Variants in HECW1 observed in about 807,000 individuals in gnomAD.
HECW1 encodes HECT, C2 and WW domain containing E3 ubiquitin protein ligase 1, also known as E3 ubiquitin-protein ligase HECW1.
A neutral mutation model predicts 182.3 loss-of-function variants in HECW1; 61 were observed. The ratio of observed to expected loss-of-function variants is 0.33; its 90% CI spans 0.27 to 0.41. The LOEUF (loss-of-function observed/expected upper bound fraction) is 0.41, where lower values mean the gene tolerates loss of function less well. Ranked by LOEUF, HECW1 falls within the 10% of genes least tolerant of loss-of-function variation. The pLI is 1.00. For synonymous variants in HECW1, 859 were observed against 832.6 expected (o/e 1.03, Z -0.55); for missense variants, 1,739 against 2,108.9 (o/e 0.82, Z 3.44).
intron 24 of HECW1, among the ~76,000 whole-genome samples, chr7:43,536,406 T>C (rs4724215): frequency 0.055 from 8,322 of 152,230 alleles, 570 homozygotes; most frequent in African/African-American, 0.15. Context: ...CTGACCCATC[T>C]GGGTGTGGCT....
At chr7:43,439,300 A>G (rs2076804999) in intron 9 of HECW1, 1 of 152,184 alleles carries the variant, frequency 6.6e-6, no homozygotes, top group Admixed American at 6.5e-5. Flanking sequence ...CAAGGCTTCA[A>G]AAGGATCAAT....
intron 6 of HECW1, among the ~76,000 whole-genome samples, chr7:43,384,502 A>G (rs974296719): frequency 5.3e-5 from 8 of 152,212 alleles, no homozygotes; most frequent in Non-Finnish European, 7.3e-5. Context: ...TGGCATGTCC[A>G]TAGGAAAAAA....
intron 27 of HECW1, among the ~76,000 whole-genome samples, chr7:43,551,666 C>T (rs73100771): frequency 0.16 from 24,308 of 152,094 alleles, 2,542 homozygotes; most frequent in Non-Finnish European, 0.24. Context: ...GTGGAGCATG[C>T]GATTCTTTTT....
intron 3 of HECW1, among the ~76,000 whole-genome samples, chr7:43,290,034 G>A (rs563466995): frequency 4.6e-5 from 7 of 152,300 alleles, no homozygotes; most frequent in South Asian, 2.1e-4. Context: ...AAGCCTTATC[G>A]GTAGAAGGCT....
intron 3 of HECW1, among the ~76,000 whole-genome samples, chr7:43,281,785 T>A (rs1803956584): frequency 6.8e-6 from 1 of 147,770 alleles, no homozygotes; most frequent in African/African-American, 2.5e-5. Context: ...TCTCTTGTAT[T>A]CCTGGCCTCA....
intron 16 of HECW1, among the ~76,000 whole-genome samples, chr7:43,476,477 A>G (rs1257177956): frequency 2.0e-5 from 3 of 152,308 alleles, no homozygotes; most frequent in East Asian, 1.9e-4. Context: ...CAAAATCCCA[A>G]TAGAACTATT....
chr7:43,418,626 A>T (rs1195500409), intron 8 of HECW1, among the ~76,000 whole-genome samples: 1 of 151,940 alleles, frequency 6.6e-6, no homozygotes, highest in African/African-American at 2.4e-5. Context: ...ATATTTTCAG[A>T]TATCAGAATT....
At chr7:43,548,848 G>A (rs1294356477) in intron 26 of HECW1, among the ~76,000 whole-genome samples, 1 of 152,206 alleles carries the variant, frequency 6.6e-6, no homozygotes, top group African/African-American at 2.4e-5. Flanking sequence ...GGAGGCTGAG[G>A]TGGGAGAATC....
In HECW1 at chr7:43,565,611, T is replaced by G. The variant is rs965711994; in HGVS notation, c.*3685T>G. The G allele has an allele frequency of 5.8e-6, 1 of 172,762 alleles. No individual in the cohort carries two copies. The highest frequency in any genetic ancestry group is 1.2e-5 in the Non-Finnish European group (1 of 80,478). 10.7% of individuals were successfully genotyped at this position (172,762 alleles called of 1,614,324 possible). On this transcript the variant is annotated 3_prime_UTR_variant, in exon 30 of 30. Coordinates refer to ENST00000395891, the MANE Select transcript of HECW1 (RefSeq NM_015052.5). ...TTATTATTATTATTACGTACTTCAG[T>G]GTTCATTATTAAAACTACCGCAATA...
chr7:43,325,659 C>A (rs1810662611), intron 5 of HECW1, among the ~76,000 whole-genome samples: 1 of 152,012 alleles, frequency 6.6e-6, no homozygotes, highest in Non-Finnish European at 1.5e-5. Flanking sequence ...CTCCTCACAG[C>A]TGTCCAGGCA....
intron 2 of HECW1, among the ~76,000 whole-genome samples, chr7:43,142,827 T>C (rs1788308170): frequency 6.6e-6 from 1 of 152,184 alleles, no homozygotes; most frequent in African/African-American, 2.4e-5. Context: ...CATCCACTCC[T>C]ATCTGTGGGA....
rs1311746777 is a variant in HECW1, at chr7:43,144,463, C to T, written c.-32+30072C>T. Among the ~76,000 whole-genome samples the T allele has an allele frequency of 3.3e-5, 5 of 152,170 alleles. No individual in the cohort carries two copies. In the East Asian group the frequency reaches 9.6e-4, roughly 29 times the overall value. ...CTCCTTGAAAGCAGACACCTACCTA[C>T]CTATGGAATTTTTCCCCAAGGGAGA... On this transcript the variant is annotated intron_variant, in intron 2 of 29. Coordinates refer to ENST00000395891, the MANE Select transcript of HECW1 (RefSeq NM_015052.5).
In HECW1 at chr7:43,149,513, G is replaced by C. The variant is rs1789071058; in HGVS notation, c.-32+35122G>C. Among the ~76,000 whole-genome samples the C allele has an allele frequency of 2.0e-5, 3 of 152,288 alleles. No individual in the cohort carries two copies. In the South Asian group the frequency reaches 6.2e-4, roughly 32 times the overall value. ...ACATAACAGTATAATGTGGGATCTTGGATTGAATCTTGGAACAGAAAAGTG... is the reference window on the plus strand; with the variant it reads ...ACATAACAGTATAATGTGGGATCTTCGATTGAATCTTGGAACAGAAAAGTG... On this transcript the variant is annotated intron_variant, in intron 2 of 29. Coordinates refer to ENST00000395891, the MANE Select transcript of HECW1 (RefSeq NM_015052.5).
At chr7:43,157,345 G>A (rs1789995665) in intron 2 of HECW1, among the ~76,000 whole-genome samples, 2 of 151,984 alleles carry the variant, frequency 1.3e-5, no homozygotes, top group South Asian at 4.2e-4. Flanking sequence ...TCCTCTGGCT[G>A]CATTATTCAA....
At chr7:43,309,202 T>C in intron 3 of HECW1, among the ~76,000 whole-genome samples, 1 of 152,020 alleles carries the variant, frequency 6.6e-6, no homozygotes, top group East Asian at 1.9e-4. Flanking sequence ...CAAGGAGCGG[T>C]TACAGCAGAG....
intron 2 of HECW1, among the ~76,000 whole-genome samples, chr7:43,199,189 T>A (rs527981842): frequency 6.6e-6 from 1 of 152,364 alleles, no homozygotes; most frequent in East Asian, 1.9e-4. Flanking sequence ...TGGTCTCTTA[T>A]GATTACAGTT....
At chr7:43,334,677 T>C (rs370853992) in intron 5 of HECW1, among the ~76,000 whole-genome samples, 16 of 152,326 alleles carry the variant, frequency 1.1e-4, no homozygotes, top group African/African-American at 3.6e-4. Flanking sequence ...AAGTCATCCT[T>C]GTTTTATTGT....
rs776461511 is a variant in HECW1 at position 43,395,182 on chromosome 7, C to G, written c.556-1632C>G. Among the ~76,000 whole-genome samples the G allele has an allele frequency of 4.2e-4, 64 of 152,166 alleles. 1 individual carries two copies. Among genetic ancestry groups the G allele is most frequent in the Admixed American group, 3.9e-3 (60 of 15,278 alleles). ...TGACTCCTAAACCATAATTTCTAATCTTGCAGCTAACGTTAGTCCTACAAA... is the reference window on the plus strand; with the variant it reads ...TGACTCCTAAACCATAATTTCTAATGTTGCAGCTAACGTTAGTCCTACAAA... On this transcript the variant is annotated intron_variant, in intron 6 of 29. Transcript: ENST00000395891.
At chr7:43,165,068 A>C (rs1400696654) in intron 2 of HECW1, among the ~76,000 whole-genome samples, 2 of 152,214 alleles carry the variant, frequency 1.3e-5, no homozygotes, top group African/African-American at 4.8e-5. Flanking sequence ...GCCATAAGTT[A>C]GTCTGGCTTG....
Sources: allele counts gnomAD v4.1 joint callset (sites outside exome capture counted in the v4.1 genomes callset), GRCh38; gene constraint gnomAD v4.1.1; transcripts MANE v1.5; gene names NCBI Gene and HGNC (gene_info 2026-07-23, HGNC 2026-07-21).